RALYL: variants seen among roughly 807,000 people sequenced by gnomAD.
RALYL encodes RNA-binding Raly-like protein.
RALYL carries 29 observed loss-of-function variants against 35.1 expected under a neutral mutation model. The ratio of observed to expected loss-of-function variants is 0.83; its 90% CI spans 0.61 to 1.13. The LOEUF is 1.13. Ranked by LOEUF, RALYL falls within the 50% of genes most tolerant of loss-of-function variation. The probability of loss-of-function intolerance (pLI) is 0.00; values close to 1 mark genes in which losing one functional copy is unlikely to be tolerated. For missense variants in RALYL, 359 were observed against 360.4 expected (o/e 1.00, Z 0.03); for synonymous variants, 120 against 127.6 (o/e 0.94, Z 0.40).
chr8:84,551,906 G>A (rs552403249), intron 2 of RALYL, among the ~76,000 whole-genome samples: 3 of 152,178 alleles, frequency 2.0e-5, no homozygotes, highest in African/African-American at 7.2e-5. Context: ...ACTTTGCTCT[G>A]AATGCCTATT....
In RALYL at chr8:84,615,774, T is replaced by C. The variant is rs1279625476; in HGVS notation, c.256+86197T>C. Among the ~76,000 whole-genome samples, 407 of 117,308 alleles carry C rather than the reference T, an allele frequency of 3.5e-3. 5 individuals carry two copies. Among genetic ancestry groups the C allele is most frequent in the African/African-American group, 0.014 (390 of 28,768 alleles). 77.0% of individuals were successfully genotyped at this position (117,308 alleles called of 152,430 possible). On this transcript the variant is annotated intron_variant, in intron 2 of 8. Transcript: ENST00000521268. ...CCCCACCCCACAACAGTCCCCAGAG[T>C]GTGATGTTCCTCTTCCTGTGTCCAT...
intron 2 of RALYL, among the ~76,000 whole-genome samples, chr8:84,547,926 A>G (rs1394237502): frequency 6.6e-6 from 1 of 152,146 alleles, no homozygotes; most frequent in Non-Finnish European, 1.5e-5. Flanking sequence ...TGGGAATAAT[A>G]TTCCCTGAGT....
At chr8:84,390,575 C>G (rs530458480) in intron 1 of RALYL, among the ~76,000 whole-genome samples, 72 of 151,976 alleles carry the variant, frequency 4.7e-4, no homozygotes, top group East Asian at 2.7e-3. Context: ...TCTTGGGAGA[C>G]TGTATGTGTC....
At chr8:84,420,763 A>G in intron 1 of RALYL, among the ~76,000 whole-genome samples, 1 of 112,092 alleles carries the variant, frequency 8.9e-6, no homozygotes. Flanking sequence ...CTTCCTACAT[A>G]TGGCTAGCCA....
At chr8:84,451,177 T>G (rs1213215855) in intron 1 of RALYL, among the ~76,000 whole-genome samples, 1 of 152,058 alleles carries the variant, frequency 6.6e-6, no homozygotes, top group Non-Finnish European at 1.5e-5. Context: ...CCTCTTGAAT[T>G]CACTTTTTTG....
chr8:84,710,026 A>G (rs752725768), intron 2 of RALYL, among the ~76,000 whole-genome samples: 4 of 152,080 alleles, frequency 2.6e-5, no homozygotes, highest in Non-Finnish European at 4.4e-5. Flanking sequence ...GCACCACTGC[A>G]CTCCAGCATG....
rs185930985 is a variant in RALYL at position 84,409,034 on chromosome 8, A to T, written c.-23-120265A>T. On this transcript the variant is annotated intron_variant, in intron 1 of 8. Coordinates refer to ENST00000521268, the MANE Select transcript of RALYL (RefSeq NM_173848.7). ...ATATGGAAAAAGTAGTGGGATAATT[A>T]TCTCTTAATTATGTGACGAGGAAAG... 3.1e-3 allele frequency among the ~76,000 whole-genome samples: 472 copies of T among 152,250 alleles called. 2 individuals are homozygous for T. Among genetic ancestry groups the T allele is most frequent in the African/African-American group, 0.011 (439 of 41,562 alleles).
intron 2 of RALYL, among the ~76,000 whole-genome samples, chr8:84,685,308 T>A (rs182160659): frequency 6.6e-6 from 1 of 152,222 alleles, no homozygotes; most frequent in Non-Finnish European, 1.5e-5. Context: ...TACAGTCTAC[T>A]TTTTTCTCTA....
intron 1 of RALYL, among the ~76,000 whole-genome samples, chr8:84,423,312 T>A (rs1334313202): frequency 6.6e-6 from 1 of 150,608 alleles, no homozygotes; most frequent in East Asian, 2.0e-4. Flanking sequence ...AATGGCCTTC[T>A]TTGTCTCTTT....
At chr8:84,652,637 A>T (rs1431328475) in intron 2 of RALYL, among the ~76,000 whole-genome samples, 1 of 152,082 alleles carries the variant, frequency 6.6e-6, no homozygotes, top group Non-Finnish European at 1.5e-5. Context: ...TAGGTTTTAT[A>T]ACCCCACATT....
chr8:84,413,707 G>A (rs2044331817), intron 1 of RALYL, among the ~76,000 whole-genome samples: 1 of 151,912 alleles, frequency 6.6e-6, no homozygotes, highest in Non-Finnish European at 1.5e-5. Flanking sequence ...CAAAGTAAAG[G>A]ATAAATCCAT....
chr8:84,624,083 A>T (rs1352181032), intron 2 of RALYL, among the ~76,000 whole-genome samples: 1 of 152,176 alleles, frequency 6.6e-6, no homozygotes, highest in Non-Finnish European at 1.5e-5. Context: ...CATATTCAAC[A>T]TCCCTCTCTG....
chr8:84,239,374 C>T (rs943133611), intron 1 of RALYL, among the ~76,000 whole-genome samples: 1 of 152,086 alleles, frequency 6.6e-6, no homozygotes, highest in Non-Finnish European at 1.5e-5. Flanking sequence ...TAACAAAATC[C>T]AACTGTAATA....
At chr8:84,525,034 A>C (rs112714890) in intron 1 of RALYL, among the ~76,000 whole-genome samples, 1 of 149,542 alleles carries the variant, frequency 6.7e-6, no homozygotes, top group Non-Finnish European at 1.5e-5. Flanking sequence ...ATACGGCCTC[A>C]ATTTTAACTA....
In RALYL at chr8:84,558,473, T is replaced by C. The variant is rs367593651; in HGVS notation, c.256+28896T>C. Among the ~76,000 whole-genome samples the C allele has an allele frequency of 4.4e-4, 67 of 152,262 alleles. No individual in the cohort carries two copies. In the South Asian group the frequency reaches 0.012, roughly 28 times the overall value. The stretch of plus-strand genomic sequence containing the variant: ...TTTCACTTGAAGACTTTTTTAGTTA[T>C]AAGAGATTAGGGCATTTCTTTGTAT... On this transcript the variant is annotated intron_variant, in intron 2 of 8. Coordinates refer to ENST00000521268, the MANE Select transcript of RALYL (RefSeq NM_173848.7).
intron 2 of RALYL, among the ~76,000 whole-genome samples, chr8:84,732,668 T>TTATATATATATGTATATATATATA (rs780316979): frequency 7.2e-4 from 95 of 132,486 alleles, no homozygotes; most frequent in African/African-American, 2.6e-3. Context: ...TATTAAATAA[T>TTATATATATATGTATATATATATA]TATATATATA....
At chr8:84,766,235 C>T (rs1278805740) in intron 2 of RALYL, among the ~76,000 whole-genome samples, 3 of 151,978 alleles carry the variant, frequency 2.0e-5, no homozygotes, top group Admixed American at 6.6e-5. Flanking sequence ...ATAGATATAT[C>T]GTCCAAAATA....
intron 1 of RALYL, among the ~76,000 whole-genome samples, chr8:84,480,208 G>A (rs2133869635): frequency 6.6e-6 from 1 of 152,064 alleles, no homozygotes; most frequent in East Asian, 1.9e-4. Flanking sequence ...TCTATCTAAT[G>A]TATCTGCTAA....
intron 1 of RALYL, among the ~76,000 whole-genome samples, chr8:84,527,681 A>G (rs1163183744): frequency 1.3e-5 from 2 of 152,296 alleles, no homozygotes; most frequent in South Asian, 2.1e-4. Context: ...CAATATCTCA[A>G]ATTGCAAGAT....
Sources: allele counts gnomAD v4.1 joint callset (sites outside exome capture counted in the v4.1 genomes callset), GRCh38; gene constraint gnomAD v4.1.1; transcripts MANE v1.5; gene names NCBI Gene and HGNC (gene_info 2026-07-23, HGNC 2026-07-21).